The following NREP variants were observed in gnomAD, a reference collection of about 807,000 sequenced individuals.
NREP encodes neuronal regeneration-related protein.
A neutral mutation model predicts 8.6 loss-of-function variants in NREP; 5 were observed. That is an observed-to-expected ratio of 0.58 (90% CI 0.30 to 1.22). The LOEUF is 1.22. Among genes scored for constraint, NREP ranks in the 50% most tolerant of loss-of-function variants. The pLI is 0.07. For missense variants in NREP, 86 were observed against 82.5 expected (o/e 1.04, Z -0.17); for synonymous variants, 27 against 28.0 (o/e 0.96, Z 0.11).
At chr5:111,824,325 C>T (rs1423634948) in intron 2 of NREP, among the ~76,000 whole-genome samples, 4 of 152,144 alleles carry the variant, frequency 2.6e-5, no homozygotes, top group East Asian at 1.9e-4. Context: ...GCAGAAATCA[C>T]GCCACTGCAC....
intron 2 of NREP, among the ~76,000 whole-genome samples, chr5:111,920,580 A>C (rs1755209942): frequency 6.6e-6 from 1 of 152,168 alleles, no homozygotes; most frequent in East Asian, 1.9e-4. Flanking sequence ...TCTCTGAAGC[A>C]GTGAGGGGTC....
chr5:111,736,332 A>C (rs950075385), intron 2 of NREP, among the ~76,000 whole-genome samples: 1 of 152,196 alleles, frequency 6.6e-6, no homozygotes, highest in African/African-American at 2.4e-5. Context: ...AAAATTTAGA[A>C]ACAGAATCCA....
intron 2 of NREP, among the ~76,000 whole-genome samples, chr5:111,850,932 A>AT (rs1253767239): frequency 3.9e-5 from 6 of 152,124 alleles, no homozygotes; most frequent in African/African-American, 1.4e-4. Context: ...TCTGTAGCAA[A>AT]TTTTTTACCA....
At chr5:111,884,699 T>C (rs1003878248) in intron 2 of NREP, among the ~76,000 whole-genome samples, 6 of 152,168 alleles carry the variant, frequency 3.9e-5, no homozygotes, top group African/African-American at 1.2e-4. Flanking sequence ...CAGTCCAGCA[T>C]ATAAACAGAA....
chr5:111,771,067 A>G (rs1751207598), intron 2 of NREP, among the ~76,000 whole-genome samples: 1 of 152,218 alleles, frequency 6.6e-6, no homozygotes, highest in South Asian at 2.1e-4. Flanking sequence ...GAAGAACACA[A>G]CAATATTTTA....
At chr5:111,951,596 G>T (rs1034694640) in intron 2 of NREP, among the ~76,000 whole-genome samples, 1 of 152,002 alleles carries the variant, frequency 6.6e-6, no homozygotes, top group African/African-American at 2.4e-5. Context: ...CTACTTTAGG[G>T]TATAAACTTA....
At chr5:111,828,014 A>G (rs1752669018) in intron 2 of NREP, among the ~76,000 whole-genome samples, 1 of 152,078 alleles carries the variant, frequency 6.6e-6, no homozygotes, top group Non-Finnish European at 1.5e-5. Context: ...CTTGATACAA[A>G]ATATATATTT....
intron 2 of NREP, among the ~76,000 whole-genome samples, chr5:111,816,891 G>C (rs1274741341): frequency 1.3e-5 from 2 of 151,658 alleles, no homozygotes; most frequent in Non-Finnish European, 2.9e-5. Context: ...TAAAAGGATG[G>C]AAAAAGATAA....
chr5:111,790,839 T>C lies in NREP; in HGVS notation c.136-55332A>G, dbSNP rs1445218381. ...GGTTTAAATTGTATAGCTCCACTTATGCGCCTATTTTTGTTCAACGAAATG... is the reference window on the plus strand; with the variant it reads ...GGTTTAAATTGTATAGCTCCACTTACGCGCCTATTTTTGTTCAACGAAATG... On this transcript the variant is annotated intron_variant, in intron 2 of 3. Coordinates refer to the NREP transcript ENST00000395634. Among the ~76,000 whole-genome samples the C allele has an allele frequency of 5.3e-5, 8 of 152,162 alleles. No individual in the cohort carries two copies. In the South Asian group the frequency reaches 1.2e-3, roughly 24 times the overall value.
intron 2 of NREP, among the ~76,000 whole-genome samples, chr5:111,838,368 A>T (rs1752945932): frequency 6.6e-6 from 1 of 152,126 alleles, no homozygotes; most frequent in Non-Finnish European, 1.5e-5. Flanking sequence ...TAATACCGTG[A>T]TGGTTAGTTT....
intron 2 of NREP, among the ~76,000 whole-genome samples, chr5:111,951,847 C>A (rs1398854906): frequency 1.3e-5 from 2 of 151,890 alleles, no homozygotes; most frequent in Non-Finnish European, 2.9e-5. Context: ...TCCATGTTTG[C>A]GAGGTATGCC....
Position 111,729,730 on chromosome 5 carries a change from A to AG in NREP, c.*1190_*1191insC, listed in dbSNP as rs1343489625. ...AACAACATTCCATGAGTAGATGGTA[A>AG]TTTATTTTTGTTTATCCATTTCGTT... On this transcript the variant is annotated 3_prime_UTR_variant, in exon 4 of 4. Coordinates refer to ENST00000257435, the MANE Select transcript of NREP (RefSeq NM_004772.4). 1.7e-4 allele frequency: 26 copies of AG among 152,768 alleles called. No homozygotes were observed. Among genetic ancestry groups the AG allele is most frequent in the African/African-American group, 6.0e-4 (25 of 41,582 alleles). The allele number at this position is 152,768 out of a possible 1,614,324, so 9.5% of individuals were successfully genotyped here.
intron 3 of NREP, chr5:111,734,387 CT>C: frequency 5.2e-6 from 1 of 194,028 alleles, no homozygotes; most frequent in East Asian, 1.3e-4. Flanking sequence ...TTTTAGCTCT[CT>C]TCCACTCCAG....
chr5:111,917,529 T>A (rs961268822), intron 2 of NREP, among the ~76,000 whole-genome samples: 14 of 152,170 alleles, frequency 9.2e-5, no homozygotes, highest in Non-Finnish European at 1.8e-4. Context: ...GTCAGCTTCC[T>A]CCCTGGGATG....
chr5:111,757,179 C>G lies in NREP; in HGVS notation c.-102G>C. On this transcript the variant is annotated 5_prime_UTR_variant, in exon 1 of 4. Transcript: ENST00000257435. ...CTGTTCACTCTCTCTCCTCTCTACA[C>G]CTGAAACACAAATGTGGTTGAAAAA... 3.1e-6 allele frequency: 3 copies of G among 968,402 alleles called. No individual in the cohort carries two copies. Among genetic ancestry groups the G allele is most frequent in the Non-Finnish European group, 3.6e-6 (3 of 827,110 alleles). 60.0% of individuals were successfully genotyped at this position (968,402 alleles called of 1,614,324 possible).
chr5:111,747,624 T>C (rs905351353), intron 2 of NREP, among the ~76,000 whole-genome samples: 2 of 152,182 alleles, frequency 1.3e-5, no homozygotes, highest in African/African-American at 4.8e-5. Context: ...GCATTTTTAT[T>C]GGCAACAACT....
At chr5:111,922,310 G>A (rs1164679478) in intron 2 of NREP, among the ~76,000 whole-genome samples, 2 of 152,088 alleles carry the variant, frequency 1.3e-5, no homozygotes, top group Non-Finnish European at 2.9e-5. Context: ...TCCCCTGAGT[G>A]ACAGCTGCTT....
chr5:111,759,751 C>T (rs945682361), upstream of NREP, among the ~76,000 whole-genome samples: 1 of 152,122 alleles, frequency 6.6e-6, no homozygotes, highest in Admixed American at 6.5e-5. Context: ...AAACTCATGC[C>T]ATGTCACCTC....
chr5:111,875,020 A>G (rs1321292496), intron 2 of NREP, among the ~76,000 whole-genome samples: 3 of 152,220 alleles, frequency 2.0e-5, no homozygotes, highest in Non-Finnish European at 4.4e-5. Context: ...CTTTTGAACA[A>G]GATAATTATT....
Sources: allele counts gnomAD v4.1 joint callset (sites outside exome capture counted in the v4.1 genomes callset), GRCh38; gene constraint gnomAD v4.1.1; transcripts MANE v1.5; gene names NCBI Gene and HGNC (gene_info 2026-07-23, HGNC 2026-07-21).